BHLHE41: variants seen among roughly 807,000 people sequenced by gnomAD.
BHLHE41 encodes the protein basic helix-loop-helix family member e41, also known as class E basic helix-loop-helix protein 41.
A neutral mutation model predicts 24.0 loss-of-function variants in BHLHE41; 14 were observed. The observed-to-expected ratio is 0.58, with a 90% CI of 0.39 to 0.91. BHLHE41 has a LOEUF of 0.91. BHLHE41 is among the 40% of genes least tolerant of loss of function. The pLI, the probability that BHLHE41 is intolerant of heterozygous loss-of-function variation, is 0.00. For missense variants in BHLHE41, 674 were observed against 655.4 expected, an observed-to-expected ratio of 1.03 and a Z score of -0.31; for synonymous variants, 394 against 315.5, an observed-to-expected ratio of 1.25 and a Z score of -2.64.
At position 26,122,315 on chromosome 12, in the gene BHLHE41, T is replaced by C; in HGVS notation, c.1200A>G (p.Ala400=). ...CGGCGGCGGCAGCGGCGGCGGCGGC[T>C]GCCGCGGCTGCCGCCGGGGCGGGGA... The part of the protein sequence containing the change: ...PGIPAPAAAA[A]AAAAAAAAAA... The change falls in exon 5 of 5, where the codon GCA becomes GCG. Residue 400 remains alanine (A), a synonymous_variant. Transcript: ENST00000242728. The C allele has an allele frequency of 8.8e-7, 1 of 1,142,252 alleles. No homozygotes were observed. Among genetic ancestry groups the C allele is most frequent in the Non-Finnish European group, 1.1e-6 (1 of 935,224 alleles). The allele number at this position is 1,142,252 out of a possible 1,614,324, so 70.8% of individuals were successfully genotyped here.
At position 26,123,011 on chromosome 12, in the gene BHLHE41, G is replaced by T; in HGVS notation, c.504C>A (p.Ala168=). 6.4e-7 allele frequency: 1 copy of T among 1,569,812 alleles called. No individual in the cohort carries two copies. Among genetic ancestry groups the T allele is most frequent in the East Asian group, 2.4e-5 (1 of 42,258 alleles). ...RCVQLINHLH[A]VATQFLPTPQ... ...GGGTGGGCAAGAACTGGGTGGCCACGGCGTGCAAGTGGTTGATCAGCTGGA... is the reference window on the plus strand; with the variant it reads ...GGGTGGGCAAGAACTGGGTGGCCACTGCGTGCAAGTGGTTGATCAGCTGGA... The change falls in exon 5 of 5, where the codon GCC becomes GCA. Residue 168 remains alanine (A), a synonymous_variant. Coordinates refer to ENST00000242728, the MANE Select transcript of BHLHE41 (RefSeq NM_030762.3).
In BHLHE41 at chr12:26,122,160, C is replaced by A. The variant is rs1211983305; in HGVS notation, c.1355G>T (p.Arg452Leu). The A allele has an allele frequency of 6.5e-7, 1 of 1,538,524 alleles. No homozygotes were observed. Among genetic ancestry groups the A allele is most frequent in the African/African-American group, 1.4e-5 (1 of 72,232 alleles). Residue 452 changes from arginine (R) to leucine (L), a missense_variant, in exon 5 of 5, where the codon CGC becomes CTC. By Grantham distance (102) the Arg-to-Leu change is moderately radical. Around this residue, in one of 3 missense-constraint regions of BHLHE41, gnomAD observed 602 missense variants for 570.8 expected, o/e 1.05. Transcript: ENST00000242728. ...GAPHPQHPHG[R>L]THLPFAGPRE... is the part of the protein sequence containing the mutation. Reference sequence around the variant, plus strand: ...GGGCCCGGCGAAGGGCAGGTGGGTGCGGCCGTGCGGGTGCTGGGGGTGCGG... The same window carrying A: ...GGGCCCGGCGAAGGGCAGGTGGGTGAGGCCGTGCGGGTGCTGGGGGTGCGG...
chr12:26,122,893 C>A lies in BHLHE41; in HGVS notation c.622G>T (p.Gly208Trp). The change falls in exon 5 of 5, where the codon GGG becomes TGG. Residue 208 changes from glycine (G) to tryptophan (W), a missense_variant. Transcript: ENST00000242728. ...TAGGCGAGGGGCTCCAGCTTCTGCC[C>A]CGCGCGCTCCAGGCAGGGGGCGGCC... ...SAAAPCLERA[G>W]QKLEPLAYCV... 6.4e-7 allele frequency: 1 copy of A among 1,550,818 alleles called. No individual in the cohort carries two copies. Among genetic ancestry groups the A allele is most frequent in the East Asian group, 2.4e-5 (1 of 41,028 alleles).
rs1240309587 is a variant in BHLHE41 at position 26,122,154 on chromosome 12, TGGGTGCGGCCGTGCGGGTGCTGG to T, written c.1338_1360del (p.Gln447ProfsTer45). 4 of 1,544,046 alleles carry T rather than the reference TGGGTGCGGCCGTGCGGGTGCTGG, an allele frequency of 2.6e-6. No homozygotes were observed. The highest frequency in any genetic ancestry group is 2.0e-5 in the Admixed American group (1 of 50,538). On this transcript the variant is annotated frameshift_variant, in exon 5 of 5. Coordinates refer to ENST00000242728, the MANE Select transcript of BHLHE41 (RefSeq NM_030762.3). LOFTEE classifies it high-confidence loss of function. ...CTCGCGGGGCCCGGCGAAGGGCAGG[TGGGTGCGGCCGTGCGGGTGCTGG>T]GGGTGCGGCGCCCCAAGGGGCGCCA...
At chr12:26,123,774 G>A (rs774032866) in intron 3 of BHLHE41, 33 bp from the exon 4 acceptor site, 24 of 1,443,920 alleles carry the variant, frequency 1.7e-5, no homozygotes, top group Non-Finnish European at 2.2e-5. Flanking sequence ...CGGGCACTTG[G>A]TTACTTAAAA....
chr12:26,122,191 C>G lies in BHLHE41; in HGVS notation c.1324G>C (p.Gly442Arg). The G allele has an allele frequency of 1.4e-6, 2 of 1,447,640 alleles. No homozygotes were observed. Among genetic ancestry groups the G allele is most frequent in the Non-Finnish European group, 1.8e-6 (2 of 1,102,684 alleles). The allele number at this position is 1,447,640 out of a possible 1,614,324, so 89.7% of individuals were successfully genotyped here. Residue 442 changes from glycine (G) to arginine (R), a missense_variant, in exon 5 of 5, where the codon GGG (glycine) becomes CGG (arginine). Around this residue, in one of 3 missense-constraint regions of BHLHE41, gnomAD observed 602 missense variants for 570.8 expected, o/e 1.05. Coordinates refer to ENST00000242728, the MANE Select transcript of BHLHE41 (RefSeq NM_030762.3). ...TLLPHEVAPL[G>R]APHPQHPHGR... Reference sequence around the variant, plus strand: ...TGCGGGTGCTGGGGGTGCGGCGCCCCAAGGGGCGCCACCTCGTGCGGCAGG... The same window carrying G: ...TGCGGGTGCTGGGGGTGCGGCGCCCGAAGGGGCGCCACCTCGTGCGGCAGG...
rs553987437 is a variant in BHLHE41, at chr12:26,124,943, C to G, written c.-164G>C. The G allele has an allele frequency of 1.4e-4, 100 of 733,576 alleles. No individual in the cohort carries two copies. In the African/African-American group the frequency reaches 1.6e-3, roughly 12 times the overall value. The allele number at this position is 733,576 out of a possible 1,614,324, so 45.4% of individuals were successfully genotyped here. On this transcript the variant is annotated 5_prime_UTR_variant, in exon 1 of 5. Transcript: ENST00000242728. ...GAAAGTGTGAAGCAGTTGGTCCCCC[C>G]CCTCCACCGCGCTCGCACACACACA... is the stretch of plus-strand genomic sequence containing the variant.
chr12:26,123,074 G>T lies in BHLHE41; in HGVS notation c.441C>A (p.Ser147=). The T allele has an allele frequency of 1.3e-6, 2 of 1,597,326 alleles. No individual in the cohort carries two copies. The highest frequency in any genetic ancestry group is 1.7e-6 in the Non-Finnish European group (2 of 1,171,538). The change falls in exon 5 of 5, where the codon TCC becomes TCA. Residue 147 remains serine (S), a synonymous_variant. Coordinates refer to ENST00000242728, the MANE Select transcript of BHLHE41 (RefSeq NM_030762.3). ...CCCTGGGTGTCCAGCTCTCAAACCG[G>T]GAGAGGTATTGCAAGACTTCTTTGG... The part of the protein sequence containing the change: ...TCAKEVLQYL[S]RFESWTPREP...
Position 26,120,521 on chromosome 12 carries a change from C to A in BHLHE41, c.*1545G>T, listed in dbSNP as rs1486575155. The A allele has an allele frequency of 6.6e-6, 1 of 152,586 alleles. No individual in the cohort carries two copies. The highest frequency in any genetic ancestry group is 1.5e-5 in the Non-Finnish European group (1 of 68,022). 9.5% of individuals were successfully genotyped at this position (152,586 alleles called of 1,614,324 possible). ...GTGCAACTTTTCAGCAAATCCTCCC[C>A]AAAAGATATTTTAACTCAAAATATC... On this transcript the variant is annotated 3_prime_UTR_variant, in exon 5 of 5. Transcript: ENST00000242728.
At chr12:26,124,214 G>A (rs777330290) in intron 2 of BHLHE41, 35 bp from the exon 3 acceptor site, 1 of 1,392,740 alleles carries the variant, frequency 7.2e-7, no homozygotes, top group Admixed American at 1.7e-5. Flanking sequence ...AGAGAAAACA[G>A]TAAGCGAAAC....
Position 26,123,134 on chromosome 12 carries a change from G to A in BHLHE41, c.381C>T (p.Asp127=), listed in dbSNP as rs1944329514. ...ERSLKSPIQS[D]LDAFHSGFQT... ...GAAATCCCGAGTGGAACGCATCCAA[G>A]TCGGACTGAATGGGCGATTTCAGAG... is the stretch of plus-strand genomic sequence containing the variant. The change falls in exon 5 of 5, where the codon GAC becomes GAT. Residue 127 remains aspartate, a synonymous_variant. Coordinates refer to ENST00000242728, the MANE Select transcript of BHLHE41 (RefSeq NM_030762.3). The A allele has an allele frequency of 1.2e-6, 2 of 1,607,190 alleles. No individual in the cohort carries two copies. Among genetic ancestry groups the A allele is most frequent in the East Asian group, 2.2e-5 (1 of 44,722 alleles).
At position 26,124,529 on chromosome 12, in the gene BHLHE41, T is replaced by C. The variant is rs757873333; in HGVS notation, c.116A>G (p.Asp39Gly). The change falls in exon 2 of 5, where the codon GAC becomes GGC. Residue 39 changes from aspartate (D) to glycine (G), a missense_variant. Physicochemically the swap from Asp to Gly is moderately conservative, Grantham distance 94. Transcript: ENST00000242728. The part of the protein sequence containing the change: ...MCKPKRSMKR[D>G]DTKDTYKLPH... Reference sequence around the variant, plus strand: ...GGAACTTACACTTACCTTGGTGTCGTCTCGTTTCATGCTCCTTTTGGGTTT... The same window carrying C: ...GGAACTTACACTTACCTTGGTGTCGCCTCGTTTCATGCTCCTTTTGGGTTT... 3 of 1,614,054 alleles carry C rather than the reference T, an allele frequency of 1.9e-6. No homozygotes were observed. The highest frequency in any genetic ancestry group is 2.5e-6 in the Non-Finnish European group (3 of 1,180,000).
rs749739261 is a variant in BHLHE41, at chr12:26,122,648, G to A, written c.867C>T (p.Ser289=). 1.6e-5 allele frequency: 21 copies of A among 1,339,208 alleles called. No individual in the cohort carries two copies. Among genetic ancestry groups the A allele is most frequent in the East Asian group, 2.9e-5 (1 of 34,086 alleles). The allele number at this position is 1,339,208 out of a possible 1,614,324, so 83.0% of individuals were successfully genotyped here. A position where few individuals can be genotyped will look rare whatever the true frequency, so the allele number is the denominator to read the frequency against. The part of the protein sequence containing the change: ...RMKLDSRGGG[S]GGGPGGGAAA... ...CCGCGCCGCCCCCCGGGCCGCCGCC[G>A]CTGCCGCCGCCGCGGGAATCCAGCT... is the stretch of plus-strand genomic sequence containing the variant. The change falls in exon 5 of 5, where the codon AGC becomes AGT. Residue 289 remains serine (S), a synonymous_variant. Coordinates refer to ENST00000242728, the MANE Select transcript of BHLHE41 (RefSeq NM_030762.3).
chr12:26,123,687 T>A lies in BHLHE41; in HGVS notation c.289A>T (p.Lys97Ter), dbSNP rs1417219953. Reference protein sequence around the residue: ...VVLELTLKHLKALTALTEQQH... With the variant: ...VVLELTLKHL Reference sequence around the variant, plus strand: ...TGCTCGGTTAAGGCGGTTAAAGCTTTTAAGTGTTTCAAAGTTAATTCCAAG... The same window carrying A: ...TGCTCGGTTAAGGCGGTTAAAGCTTATAAGTGTTTCAAAGTTAATTCCAAG... The change falls in exon 4 of 5, where the codon AAA becomes TAA. Residue 97 changes from lysine to a stop codon, truncating the protein, a stop_gained. Transcript: ENST00000242728. LOFTEE classifies it high-confidence loss of function. 6.2e-7 allele frequency: 1 copy of A among 1,614,090 alleles called. No homozygotes were observed. Among genetic ancestry groups the A allele is most frequent in the African/African-American group, 1.3e-5 (1 of 74,932 alleles).
At chr12:26,124,377 G>A (rs1450340992) in intron 2 of BHLHE41, 142 bp downstream of exon 2, 10 of 945,546 alleles carry the variant, frequency 1.1e-5, no homozygotes, top group Non-Finnish European at 1.5e-5. Flanking sequence ...CCCCCTGAGA[G>A]TACCCAGCAA....
rs1944312768 is a variant in BHLHE41, at chr12:26,122,194, G to C, written c.1321C>G (p.Leu441Val). 9 of 1,444,028 alleles carry C rather than the reference G, an allele frequency of 6.2e-6. No homozygotes were observed. The highest frequency in any genetic ancestry group is 3.0e-5 in the Admixed American group (1 of 33,404). 89.5% of individuals were successfully genotyped at this position (1,444,028 alleles called of 1,614,324 possible). ...GGGTGCTGGGGGTGCGGCGCCCCAA[G>C]GGGCGCCACCTCGTGCGGCAGGAGG... is the stretch of plus-strand genomic sequence containing the variant. ...ATLLPHEVAP[L>V]GAPHPQHPHG... Residue 441 changes from leucine (L) to valine (V), a missense_variant, in exon 5 of 5, where the codon CTT becomes GTT. Physicochemically the swap from Leu to Val is conservative, Grantham distance 32. Coordinates refer to ENST00000242728, the MANE Select transcript of BHLHE41 (RefSeq NM_030762.3).
rs529390143 is a variant in BHLHE41 at position 26,122,653 on chromosome 12, C to G, written c.862G>C (p.Gly288Arg). 14 of 1,366,850 alleles carry G rather than the reference C, an allele frequency of 1.0e-5. No homozygotes were observed. The highest frequency in any genetic ancestry group is 1.2e-5 in the Non-Finnish European group (13 of 1,056,866). The allele number at this position is 1,366,850 out of a possible 1,614,324, so 84.7% of individuals were successfully genotyped here. A position where few individuals can be genotyped will look rare whatever the true frequency, so the allele number is the denominator to read the frequency against. Residue 288 changes from glycine (G) to arginine (R), a missense_variant, in exon 5 of 5, where the codon GGC (glycine) becomes CGC (arginine). Coordinates refer to ENST00000242728, the MANE Select transcript of BHLHE41 (RefSeq NM_030762.3). The stretch of plus-strand genomic sequence containing the variant: ...CCGCCCCCCGGGCCGCCGCCGCTGC[C>G]GCCGCCGCGGGAATCCAGCTTCATC... Reference protein sequence around the residue: ...KRMKLDSRGGGSGGGPGGGAA... With the variant: ...KRMKLDSRGGRSGGGPGGGAA...
rs1279494490 is a variant in BHLHE41 at position 26,124,583 on chromosome 12, C to A, written c.63-1G>T. On this transcript the variant is annotated splice_acceptor_variant, in intron 1 of 4. Transcript: ENST00000242728. LOFTEE classifies it high-confidence loss of function. The stretch of plus-strand genomic sequence containing the variant: ...CATATACAAAGAGGAATAGTCCAGT[C>A]TGCAAAACAGAAATCAGCATCAGGC... 1 of 1,614,086 alleles carries A rather than the reference C, an allele frequency of 6.2e-7. No homozygotes were observed. Among genetic ancestry groups the A allele is most frequent in the Non-Finnish European group, 8.5e-7 (1 of 1,180,044 alleles).
At chr12:26,123,426 C>G (rs1224538108) in intron 4 of BHLHE41, among the ~76,000 whole-genome samples, 1 of 152,182 alleles carries the variant, frequency 6.6e-6, no homozygotes, top group South Asian at 2.1e-4. Flanking sequence ...AATCCTGATT[C>G]CTCCGAGTTC....
Sources: gnomAD v4.1 joint callset for allele counts (sites outside exome capture counted in the v4.1 genomes callset) on GRCh38, gnomAD v4.1.1 for gene constraint, gnomAD v4.1.1 regional missense constraint, MANE v1.5 for transcripts, NCBI Gene and HGNC (gene_info 2026-07-23, HGNC 2026-07-21) for gene names.